DNAH2: variants seen among roughly 807,000 people sequenced by gnomAD.
DNAH2 encodes the protein axonemal beta dynein heavy chain 2.
A neutral mutation model predicts 523.5 loss-of-function variants in DNAH2; 323 were observed. The observed-to-expected ratio is 0.62, with a 90% CI of 0.56 to 0.68. DNAH2 has a LOEUF of 0.68. DNAH2 is among the 30% of genes least tolerant of loss of function. The probability of loss-of-function intolerance (pLI) is 0.00; values close to 1 mark genes in which losing one functional copy is unlikely to be tolerated. For missense variants in DNAH2, 4,907 were observed against 5,701.5 expected (o/e 0.86, Z 4.49); for synonymous variants, 2,093 against 2,177.4 (o/e 0.96, Z 1.08).
At position 7,797,681 on chromosome 17, in the gene DNAH2, G is replaced by A. The variant is rs751609248; in HGVS notation, c.8082G>A (p.Gly2694=). 13 of 1,614,082 alleles carry A rather than the reference G, an allele frequency of 8.1e-6. No homozygotes were observed. In the South Asian group the frequency reaches 1.4e-4, roughly 18 times the overall value. The change falls in exon 53 of 86, where the codon GGG becomes GGA. Residue 2694 remains glycine, a splice_region_variant and synonymous_variant. Coordinates refer to ENST00000572933, the MANE Select transcript of DNAH2 (RefSeq NM_020877.5). ...TGATCCCCTCTTCCCATGGCTCAGG[G>A]GATTTCCTGAAGGAGCCCAAGGTGT... The part of the protein sequence containing the change: ...LCPSKRPPIF[G]DFLKEPKVYE...
chr17:7,756,481 GC>G (rs1390650132), intron 12 of DNAH2, among the ~76,000 whole-genome samples: 4 of 151,540 alleles, frequency 2.6e-5, no homozygotes, highest in African/African-American at 9.7e-5. Context: ...TCACTATGTT[GC>G]CCAGGCTGGT....
chr17:7,742,883 G>GTATCATTCAAAA, intron 11 of DNAH2, 45 bp from the exon 12 acceptor site: 1 of 1,323,124 alleles, frequency 7.6e-7, no homozygotes, highest in Non-Finnish European at 9.8e-7. Context: ...GCCCCTGGAG[G>GTATCATTCAAAA]AAGGTGGCAG....
At position 7,758,936 on chromosome 17, in the gene DNAH2, C is replaced by T. The variant is rs753705290; in HGVS notation, c.2260C>T (p.Arg754Ter). The T allele has an allele frequency of 2.5e-6, 4 of 1,613,960 alleles. No homozygotes were observed. The highest frequency in any genetic ancestry group is 3.4e-6 in the Non-Finnish European group (4 of 1,180,022). ...GGCATCCACTCTGACCATTGGCTGGCGAGCCCAAGAGATGTCAGAGAAGCT... is the reference window on the plus strand; with the variant it reads ...GGCATCCACTCTGACCATTGGCTGGTGAGCCCAAGAGATGTCAGAGAAGCT... Reference protein sequence around the residue: ...FKASTLTIGWRAQEMSEKLLV... With the variant: ...FKASTLTIGW Residue 754 changes from arginine to a stop codon, truncating the protein, a stop_gained, in exon 15 of 86, where the codon CGA (arginine) becomes TGA (stop). Coordinates refer to ENST00000572933, the MANE Select transcript of DNAH2 (RefSeq NM_020877.5). LOFTEE classifies it high-confidence loss of function.
Position 7,767,844 on chromosome 17 carries a change from G to C in DNAH2, c.3676-56G>C, listed in dbSNP as rs370770015. 475 of 1,609,380 alleles carry C rather than the reference G, an allele frequency of 3.0e-4. 3 individuals carry two copies. The East Asian group carries it at 9.2e-3, about 31-fold the overall frequency. On this transcript the variant is annotated intron_variant, in intron 22 of 85. Coordinates refer to ENST00000572933, the MANE Select transcript of DNAH2 (RefSeq NM_020877.5). ...AGAGCAGCGAAGGGCCTGGGCGTCC[G>C]TCAGGGAGGAAGAGGGCAGGTGCCA...
In DNAH2 at chr17:7,818,973, G is replaced by T; in HGVS notation, c.10725G>T (p.Thr3575=). The T allele has an allele frequency of 6.2e-7, 1 of 1,612,066 alleles. No individual in the cohort carries two copies. Among genetic ancestry groups the T allele is most frequent in the South Asian group, 1.1e-5 (1 of 91,074 alleles). ...SLLDDVQLVN[T]LHTSKITATE... ...TGGATGATGTGCAGCTGGTGAACACGCTGCATACCTCCAAGATCACAGCCA... is the reference window on the plus strand; with the variant it reads ...TGGATGATGTGCAGCTGGTGAACACTCTGCATACCTCCAAGATCACAGCCA... The change falls in exon 71 of 86, where the codon ACG becomes ACT. Residue 3575 remains threonine (T), a synonymous_variant. Coordinates refer to ENST00000572933, the MANE Select transcript of DNAH2 (RefSeq NM_020877.5).
At chr17:7,758,343 C>G in intron 13 of DNAH2, 152 bp from the exon 14 acceptor site, 1 of 1,019,910 alleles carries the variant, frequency 9.8e-7, no homozygotes. Flanking sequence ...TCCATCATTG[C>G]AAAAAGTTCT....
chr17:7,738,284 T>C (rs1472722712), intron 8 of DNAH2, among the ~76,000 whole-genome samples: 1 of 152,192 alleles, frequency 6.6e-6, no homozygotes, highest in East Asian at 1.9e-4. Context: ...TGGATACAGA[T>C]ACTGTATCTC....
intron 12 of DNAH2, 143 bp downstream of exon 12, chr17:7,743,285 T>C (rs925180054): frequency 8.4e-6 from 8 of 956,244 alleles, no homozygotes; most frequent in Non-Finnish European, 1.1e-5. Context: ...TTACTTTTTT[T>C]TTTCTTCTTT....
rs1350871577 is a variant in DNAH2, at chr17:7,833,196, A to T, written c.13104A>T (p.Ala4368=). 3 of 1,607,746 alleles carry T rather than the reference A, an allele frequency of 1.9e-6. No individual in the cohort carries two copies. The highest frequency in any genetic ancestry group is 2.5e-6 in the Non-Finnish European group (3 of 1,179,994). Reference sequence around the variant, plus strand: ...TGCCCACGATCCACTTCCGGCCTGCAGAGAGCCGCAAGAAGAGCGCCAAGG... The same window carrying T: ...TGCCCACGATCCACTTCCGGCCTGCTGAGAGCCGCAAGAAGAGCGCCAAGG... The part of the protein sequence containing the change: ...CLMPTIHFRP[A]ESRKKSAKGM... The change falls in exon 85 of 86, where the codon GCA becomes GCT. Residue 4368 remains alanine, a synonymous_variant. Coordinates refer to ENST00000572933, the MANE Select transcript of DNAH2 (RefSeq NM_020877.5).
At chr17:7,721,013 T>C (rs1423952942) in intron 2 of DNAH2, among the ~76,000 whole-genome samples, 2 of 141,194 alleles carry the variant, frequency 1.4e-5, no homozygotes, top group Non-Finnish European at 3.0e-5. Context: ...TCTTTTTTTT[T>C]TTTTTTTTTT....
At chr17:7,759,722 C>G in intron 16 of DNAH2, 69 bp from the exon 17 acceptor site, 1 of 1,606,072 alleles carries the variant, frequency 6.2e-7, no homozygotes, top group Non-Finnish European at 8.5e-7. Context: ...GCCTTCAGAC[C>G]TGCTGCTGAA....
At chr17:7,728,476 A>T (rs1356082161) in intron 4 of DNAH2, among the ~76,000 whole-genome samples, 1 of 152,214 alleles carries the variant, frequency 6.6e-6, no homozygotes, top group East Asian at 1.9e-4. Flanking sequence ...TGCCCTGTGC[A>T]CTGGCAGTAA....
At chr17:7,815,686 A>C (rs535887028) in intron 63 of DNAH2, among the ~76,000 whole-genome samples, 1 of 151,814 alleles carries the variant, frequency 6.6e-6, no homozygotes, top group Non-Finnish European at 1.5e-5. Context: ...ACACACACAT[A>C]TATGGGATCA....
chr17:7,741,278 CTTTCTTTCTTTCTTT>C (rs1567624613), intron 11 of DNAH2, among the ~76,000 whole-genome samples: 71 of 56,746 alleles, frequency 1.3e-3, no homozygotes, highest in African/African-American at 6.5e-3. Flanking sequence ...TTCTTTCTTT[CTTTCTTTCTTTCTTT>C]CTTCCTTCCT....
chr17:7,783,588 A>C (rs1289962517), intron 39 of DNAH2, among the ~76,000 whole-genome samples: 1 of 152,044 alleles, frequency 6.6e-6, no homozygotes, highest in Non-Finnish European at 1.5e-5. Flanking sequence ...TTTGGGAGGC[A>C]TAAGCAGGTG....
intron 39 of DNAH2, among the ~76,000 whole-genome samples, chr17:7,785,315 C>A (rs560560237): frequency 2.6e-5 from 4 of 152,258 alleles, no homozygotes; most frequent in Admixed American, 6.5e-5. Flanking sequence ...GTTGGCCAGG[C>A]TGGTCTCGAA....
rs2075778698 is a variant in DNAH2 at position 7,754,448 on chromosome 17, T to C, written c.1905-2643T>C. ...TCCCGAAAATGGCACAGAAATGGTA[T>C]CAAGAAACCGCGATCACAAAGATAC... On this transcript the variant is annotated intron_variant, in intron 12 of 85. Coordinates refer to ENST00000572933, the MANE Select transcript of DNAH2 (RefSeq NM_020877.5). This position sits in a 1 kb window ranked among gnomAD's most constrained non-coding sequence, Gnocchi z 4.6. 4.5e-6 allele frequency: 3 copies of C among 670,660 alleles called. No individual in the cohort carries two copies. In the South Asian group the frequency reaches 5.6e-5, roughly 12 times the overall value. 41.5% of individuals were successfully genotyped at this position (670,660 alleles called of 1,614,324 possible).
In DNAH2 at chr17:7,777,446, G is replaced by A. The variant is rs2076486150; in HGVS notation, c.5059G>A (p.Val1687Met). ...KILKVMKKNQVSILNKYSEAI... is the reference protein window; with the variant it reads ...KILKVMKKNQMSILNKYSEAI... Reference sequence around the variant, plus strand: ...TCTTCCCTGCTGCTTCATGCCACAGGTGTCAATCCTGAATAAGTATTCAGA... The same window carrying A: ...TCTTCCCTGCTGCTTCATGCCACAGATGTCAATCCTGAATAAGTATTCAGA... The change falls in exon 33 of 86, where the codon GTG (valine) becomes ATG (methionine). Residue 1687 changes from valine (V) to methionine (M), a missense_variant and splice_region_variant. Physicochemically the swap from Val to Met is conservative, Grantham distance 21. Transcript: ENST00000572933. 1 of 1,614,192 alleles carries A rather than the reference G, an allele frequency of 6.2e-7. No individual in the cohort carries two copies. Among genetic ancestry groups the A allele is most frequent in the Non-Finnish European group, 8.5e-7 (1 of 1,180,032 alleles).
rs1466900872 is a variant in DNAH2 at position 7,760,853 on chromosome 17, G to C, written c.2899G>C (p.Glu967Gln). The change falls in exon 18 of 86, where the codon GAG (glutamate) becomes CAG (glutamine). Residue 967 changes from glutamate (E) to glutamine (Q), a missense_variant. This residue lies in a region of DNAH2 where 2,806 missense variants were observed against 3,190.8 expected (regional missense o/e 0.88). Transcript: ENST00000572933. This position sits in a 1 kb window ranked among gnomAD's most constrained non-coding sequence, Gnocchi z 4.0. ...KTWDMYREIWEINKDSFIHRY... is the reference protein window; with the variant it reads ...KTWDMYREIWQINKDSFIHRY... Reference sequence around the variant, plus strand: ...CTGGGACATGTACCGGGAGATCTGGGAGATCAACAAGGACTCCTTCATTCA... The same window carrying C: ...CTGGGACATGTACCGGGAGATCTGGCAGATCAACAAGGACTCCTTCATTCA... The C allele has an allele frequency of 8.1e-6, 13 of 1,614,186 alleles. No individual in the cohort carries two copies. The highest frequency in any genetic ancestry group is 1.1e-5 in the South Asian group (1 of 91,086).
Sources: allele counts gnomAD v4.1 joint callset (sites outside exome capture counted in the v4.1 genomes callset), GRCh38; gene constraint gnomAD v4.1.1; regional missense constraint gnomAD v4.1.1; non-coding constraint Gnocchi (gnomAD v3.1); transcripts MANE v1.5; gene names NCBI Gene and HGNC (gene_info 2026-07-23, HGNC 2026-07-21).